The following ABTB3 variants were observed in gnomAD, a reference collection of about 807,000 sequenced individuals.
ABTB3 encodes ankyrin repeat- and BTB/POZ domain-containing protein 3.
the ABTB3 span, among the ~76,000 whole-genome samples, chr12:107,554,476 A>G: frequency 3.3e-5 from 5 of 152,188 alleles, no homozygotes; most frequent in African/African-American, 1.2e-4. Flanking sequence ...GTAAAATGGA[A>G]GATAATCATA....
At chr12:107,587,683 G>A in the ABTB3 span, among the ~76,000 whole-genome samples, 1 of 152,054 alleles carries the variant, frequency 6.6e-6, no homozygotes, top group African/African-American at 2.4e-5. Flanking sequence ...TGGTCCTGAG[G>A]TGTTCTCAAA....
chr12:107,457,974 T>G, the ABTB3 span, among the ~76,000 whole-genome samples: 1 of 152,220 alleles, frequency 6.6e-6, no homozygotes, highest in East Asian at 1.9e-4. Flanking sequence ...TTTCTTCCTT[T>G]GTAAAATAGG....
At chr12:107,597,824 G>A in the ABTB3 span, among the ~76,000 whole-genome samples, 2 of 152,220 alleles carry the variant, frequency 1.3e-5, no homozygotes, top group African/African-American at 4.8e-5. Flanking sequence ...TCATCTTGTT[G>A]CTTTGCAATT....
At chr12:107,618,527 G>A in the ABTB3 span, 1 of 707,946 alleles carries the variant, frequency 1.4e-6, no homozygotes, top group Non-Finnish European at 2.3e-6. Flanking sequence ...GACCCAGGGA[G>A]CTTCCCCTTT....
At chr12:107,521,263 TTGTGTGTGTGTGTGTGTGTGTGTG>T in the ABTB3 span, among the ~76,000 whole-genome samples, 3 of 142,864 alleles carry the variant, frequency 2.1e-5, no homozygotes, top group South Asian at 2.4e-4. Context: ...TTCATATAAG[TTGTGTGTGTGTGTGTGTGTGTGTG>T]TGTGTGTGTG....
At chr12:107,406,763 C>T in the ABTB3 span, among the ~76,000 whole-genome samples, 8 of 152,194 alleles carry the variant, frequency 5.3e-5, no homozygotes, top group South Asian at 6.2e-4. Context: ...ATAAATAAAA[C>T]GCAAAATATA....
chr12:107,643,064 C>T, the ABTB3 span, among the ~76,000 whole-genome samples: 3 of 152,094 alleles, frequency 2.0e-5, no homozygotes, highest in African/African-American at 7.2e-5. Context: ...CTTGATCCTG[C>T]CAGGCTGTCT....
At chr12:107,657,759 TCTC>T in the ABTB3 span, 1 of 1,598,554 alleles carries the variant, frequency 6.3e-7, no homozygotes, top group Non-Finnish European at 8.6e-7. Context: ...ACTTTCCAGT[TCTC>T]CTGCCGCATT....
At chr12:107,388,910 A>T in the ABTB3 span, among the ~76,000 whole-genome samples, 13 of 152,152 alleles carry the variant, frequency 8.5e-5, no homozygotes. Context: ...TGGATACATT[A>T]ATTTAACAAA....
At chr12:107,400,979 C>G in the ABTB3 span, among the ~76,000 whole-genome samples, 1 of 152,248 alleles carries the variant, frequency 6.6e-6, no homozygotes, top group East Asian at 1.9e-4. Context: ...TGAGAAGGGC[C>G]GGTCCCTACC....
the ABTB3 span, among the ~76,000 whole-genome samples, chr12:107,483,067 G>C: frequency 2.7e-5 from 4 of 149,852 alleles, no homozygotes; most frequent in Non-Finnish European, 5.9e-5. Flanking sequence ...TCTGTCACCA[G>C]GCTGGAGTAC....
chr12:107,348,881 G>A, the ABTB3 span, among the ~76,000 whole-genome samples: 2 of 152,156 alleles, frequency 1.3e-5, no homozygotes, highest in African/African-American at 4.8e-5. Flanking sequence ...AGCCTCCCTT[G>A]GGAGGTGACA....
At chr12:107,494,970 C>T in the ABTB3 span, among the ~76,000 whole-genome samples, 1 of 152,190 alleles carries the variant, frequency 6.6e-6, no homozygotes, top group Non-Finnish European at 1.5e-5. Context: ...GTGGGGGATG[C>T]AGGTGAGCTG....
the ABTB3 span, among the ~76,000 whole-genome samples, chr12:107,377,068 G>C: frequency 6.6e-6 from 1 of 152,176 alleles, no homozygotes; most frequent in African/African-American, 2.4e-5. Context: ...CTCCCCCACA[G>C]CTGAGGGGAG....
At chr12:107,320,090 G>T in the ABTB3 span, 1 of 1,432,868 alleles carries the variant, frequency 7.0e-7, no homozygotes. Context: ...GTGTCTGCGC[G>T]GGTGCCACTC....
the ABTB3 span, among the ~76,000 whole-genome samples, chr12:107,437,814 C>T: frequency 2.0e-5 from 3 of 152,058 alleles, no homozygotes; most frequent in African/African-American, 7.2e-5. Context: ...CCACAAAGAC[C>T]CTCTCCCAGA....
chr12:107,467,403 G>C, the ABTB3 span, among the ~76,000 whole-genome samples: 2 of 152,254 alleles, frequency 1.3e-5, no homozygotes, highest in South Asian at 4.1e-4. Flanking sequence ...CCACAAGCCT[G>C]GTGTGGCCTG....
the ABTB3 span, among the ~76,000 whole-genome samples, chr12:107,467,031 TCA>T: frequency 6.6e-6 from 1 of 152,132 alleles, no homozygotes; most frequent in Non-Finnish European, 1.5e-5. Context: ...AGTGTCTAAC[TCA>T]CAGTGTCTTT....
the ABTB3 span, among the ~76,000 whole-genome samples, chr12:107,545,426 TG>T: frequency 6.6e-6 from 1 of 151,904 alleles, no homozygotes; most frequent in African/African-American, 2.4e-5. Flanking sequence ...GCATTTTTTT[TG>T]TAGAGACAGG....
Sources: gnomAD v4.1 joint callset for allele counts (sites outside exome capture counted in the v4.1 genomes callset) on GRCh38, gnomAD v4.1.1 for gene constraint, MANE v1.5 for transcripts, NCBI Gene and HGNC (gene_info 2026-07-23, HGNC 2026-07-21) for gene names.